TOX3: variants seen among roughly 807,000 people sequenced by gnomAD.
TOX3 encodes the protein TOX high mobility group box family member 3.
TOX3 carries 22 observed loss-of-function variants against 64.3 expected under a neutral mutation model. That is an observed-to-expected ratio of 0.34 (90% CI 0.24 to 0.49). The LOEUF is 0.49. Among genes scored for constraint, TOX3 ranks in the 20% least tolerant of loss-of-function variants. The probability of loss-of-function intolerance (pLI) is 0.99; values close to 1 mark genes in which losing one functional copy is unlikely to be tolerated. For synonymous variants in TOX3, 291 were observed against 273.6 expected (o/e 1.06, Z -0.63); for missense variants, 661 against 714.4 (o/e 0.93, Z 0.85).
intron 4 of TOX3, among the ~76,000 whole-genome samples, chr16:52,447,627 T>C (rs1428412579): frequency 6.6e-6 from 1 of 152,162 alleles, no homozygotes; most frequent in East Asian, 1.9e-4. Context: ...TCCTCCAAAA[T>C]GCCATCTTTC....
chr16:52,463,800 C>T, intron 3 of TOX3, 134 bp downstream of exon 3: 1 of 1,108,146 alleles, frequency 9.0e-7, no homozygotes, highest in Non-Finnish European at 1.2e-6. Context: ...CGATCCAGTA[C>T]CTGCATGTAA....
chr16:52,514,260 C>T (rs904112002), intron 1 of TOX3, among the ~76,000 whole-genome samples: 13 of 152,202 alleles, frequency 8.5e-5, no homozygotes, highest in South Asian at 2.1e-4. Flanking sequence ...ACTTATCAGA[C>T]GGCCACCCAA....
chr16:52,545,630 G>A (rs928887058), intron 1 of TOX3, among the ~76,000 whole-genome samples: 2 of 152,174 alleles, frequency 1.3e-5, no homozygotes, highest in African/African-American at 4.8e-5. Flanking sequence ...GAGGAGGGAG[G>A]AGCAGGAGGA....
At chr16:52,544,031 C>T (rs1266301793) in intron 1 of TOX3, among the ~76,000 whole-genome samples, 2 of 152,140 alleles carry the variant, frequency 1.3e-5, no homozygotes, top group African/African-American at 4.8e-5. Flanking sequence ...TCTAAAGTTT[C>T]CCAGATGGTC....
At chr16:52,508,765 T>G (rs1034261675) in intron 1 of TOX3, among the ~76,000 whole-genome samples, 8 of 152,184 alleles carry the variant, frequency 5.3e-5, no homozygotes, top group African/African-American at 1.9e-4. Flanking sequence ...TTGATAACTT[T>G]CAACAAAGTT....
chr16:52,499,927 T>C (rs1313257140), intron 1 of TOX3, among the ~76,000 whole-genome samples: 1 of 152,236 alleles, frequency 6.6e-6, no homozygotes, highest in African/African-American at 2.4e-5. Context: ...CAGAAAACCA[T>C]GACAAGCACC....
rs1043080632 is a variant in TOX3 at position 52,439,060 on chromosome 16, T to C, written c.*165A>G. 4 of 953,584 alleles carry C rather than the reference T, an allele frequency of 4.2e-6. No individual in the cohort carries two copies. In the African/African-American group the frequency reaches 6.5e-5, roughly 15 times the overall value. The allele number at this position is 953,584 out of a possible 1,614,324, so 59.1% of individuals were successfully genotyped here. ...AGTCAGCTAAAAGATGTTACTCAGC[T>C]ACACTGCAGTTCTTATTGCCTATCT... On this transcript the variant is annotated 3_prime_UTR_variant, in exon 7 of 7. Coordinates refer to ENST00000219746, the MANE Select transcript of TOX3 (RefSeq NM_001080430.4).
chr16:52,545,913 G>GT (rs1296364464), intron 1 of TOX3, among the ~76,000 whole-genome samples: 3 of 152,322 alleles, frequency 2.0e-5, no homozygotes, highest in East Asian at 3.9e-4. Context: ...GCAGGGGGAG[G>GT]TGGAGAAGGT....
intron 3 of TOX3, among the ~76,000 whole-genome samples, chr16:52,455,673 G>A (rs1260269325): frequency 6.6e-6 from 1 of 152,174 alleles, no homozygotes; most frequent in East Asian, 1.9e-4. Flanking sequence ...AAAAAAGATA[G>A]TATTTGAGCT....
chr16:52,445,533 T>G (rs1487815813), intron 5 of TOX3: 1 of 153,262 alleles, frequency 6.5e-6, no homozygotes, highest in Non-Finnish European at 1.5e-5. Flanking sequence ...GGAATAAAAT[T>G]TCAAATGCCC....
intron 1 of TOX3, among the ~76,000 whole-genome samples, chr16:52,504,421 C>G (rs1024448895): frequency 3.6e-5 from 5 of 140,828 alleles, no homozygotes; most frequent in African/African-American, 1.3e-4. Context: ...GAGCCGAGAT[C>G]GTGTCACTGC....
chr16:52,487,062 A>G (rs1212482417), intron 1 of TOX3, among the ~76,000 whole-genome samples: 2 of 151,446 alleles, frequency 1.3e-5, no homozygotes, highest in Non-Finnish European at 2.9e-5. Context: ...CTGTGTAGAT[A>G]AAGAGTCCAA....
chr16:52,460,311 A>G (rs907257229), intron 3 of TOX3, among the ~76,000 whole-genome samples: 1 of 152,210 alleles, frequency 6.6e-6, no homozygotes, highest in Non-Finnish European at 1.5e-5. Context: ...GTGAATTATC[A>G]GTGTGTTTTA....
chr16:52,444,312 CT>C lies in TOX3; in HGVS notation c.950del (p.Lys317ArgfsTer36). The C allele has an allele frequency of 6.3e-7, 1 of 1,590,396 alleles. No individual in the cohort carries two copies. Among genetic ancestry groups the C allele is most frequent in the Non-Finnish European group, 8.6e-7 (1 of 1,166,732 alleles). ...KTEAAKKEYL[K>X]ALAAYRASLV... Reference sequence around the variant, plus strand: ...GGCTGGCCCTGTATGCCGCCAGGGCCTTCAGGTATTCTTTTTTGGCAGCTTC... The same window carrying C: ...GGCTGGCCCTGTATGCCGCCAGGGCCTCAGGTATTCTTTTTTGGCAGCTTC... On this transcript the variant is annotated frameshift_variant, in exon 6 of 7. Transcript: ENST00000219746. LOFTEE classifies it high-confidence loss of function.
intron 1 of TOX3, among the ~76,000 whole-genome samples, chr16:52,515,332 C>T (rs1962426627): frequency 6.6e-6 from 1 of 152,110 alleles, no homozygotes; most frequent in Non-Finnish European, 1.5e-5. Context: ...TCAAATTCTA[C>T]TAGTTTTTCT....
chr16:52,439,472 T>C lies in TOX3; in HGVS notation c.1484A>G (p.Gln495Arg). Residue 495 changes from glutamine (Q) to arginine (R), a missense_variant, in exon 7 of 7, where the codon CAG (glutamine) becomes CGG (arginine). By Grantham distance (43) the Gln-to-Arg change is conservative (BLOSUM62 1). This residue lies in a region of TOX3 where 299 missense variants were observed against 292.1 expected (regional missense o/e 1.02). Transcript: ENST00000219746. The part of the protein sequence containing the change: ...HMQQHLQQQQ[Q>R]HLQQQINQQQ... The stretch of plus-strand genomic sequence containing the variant: ...TTGATTAATTTGCTGCTGGAGATGC[T>C]GCTGCTGCTGCTGCAGGTGCTGCTG... The C allele has an allele frequency of 7.0e-7, 1 of 1,424,574 alleles. No individual in the cohort carries two copies. The highest frequency in any genetic ancestry group is 9.7e-7 in the Non-Finnish European group (1 of 1,031,760). The allele number at this position is 1,424,574 out of a possible 1,614,324, so 88.2% of individuals were successfully genotyped here.
chr16:52,477,821 A>C (rs964769239), intron 1 of TOX3, among the ~76,000 whole-genome samples: 7 of 152,162 alleles, frequency 4.6e-5, no homozygotes, highest in Non-Finnish European at 7.4e-5. Context: ...TTATAACGTC[A>C]CCTTTTCTTT....
chr16:52,544,716 T>C (rs1361223373), intron 1 of TOX3, among the ~76,000 whole-genome samples: 1 of 152,196 alleles, frequency 6.6e-6, no homozygotes, highest in Non-Finnish European at 1.5e-5. Context: ...CTGAAATAAA[T>C]GTTCTGAGCT....
intron 1 of TOX3, among the ~76,000 whole-genome samples, chr16:52,524,447 T>C (rs1962679006): frequency 6.6e-6 from 1 of 152,250 alleles, no homozygotes. Context: ...TTTACATGTA[T>C]GGAGCAGTAA....
Sources: allele counts gnomAD v4.1 joint callset (sites outside exome capture counted in the v4.1 genomes callset), GRCh38; gene constraint gnomAD v4.1.1; regional missense constraint gnomAD v4.1.1; transcripts MANE v1.5; gene names NCBI Gene and HGNC (gene_info 2026-07-23, HGNC 2026-07-21).